The following NFATC3 variants were observed in gnomAD, a reference collection of about 807,000 sequenced individuals.
The protein encoded by NFATC3 is nuclear factor of activated T cells 3.
NFATC3 carries 46 observed loss-of-function variants against 98.6 expected under a neutral mutation model. The ratio of observed to expected loss-of-function variants is 0.47; its 90% confidence interval spans 0.37 to 0.60. NFATC3 has a LOEUF of 0.60. NFATC3 is among the 20% of genes least tolerant of loss of function. The pLI is 0.00. For missense variants in NFATC3, 1,256 were observed against 1,295.5 expected, an observed-to-expected ratio of 0.97 and a Z score of 0.47; for synonymous variants, 512 against 472.2, an observed-to-expected ratio of 1.08 and a Z score of -1.09.
Position 68,166,921 on chromosome 16 carries a change from G to A in NFATC3, c.1680G>A (p.Lys560=). 1 of 1,614,130 alleles carries A rather than the reference G, an allele frequency of 6.2e-7. No homozygotes were observed. Among genetic ancestry groups the A allele is most frequent in the East Asian group, 2.2e-5 (1 of 44,878 alleles). Reference sequence around the variant, plus strand: ...AAGGAGAAACTGATATTGGCAGAAAGAATACTAGAGTACGACTTGTGTTTC... The same window carrying A: ...AAGGAGAAACTGATATTGGCAGAAAAAATACTAGAGTACGACTTGTGTTTC... ...LRKGETDIGR[K]NTRVRLVFRV... Residue 560 remains lysine (K), a synonymous_variant, in exon 5 of 10, where the codon AAG becomes AAA. Transcript: ENST00000346183.
chr16:68,139,722 T>A (rs994501717), intron 3 of NFATC3, among the ~76,000 whole-genome samples: 2 of 152,238 alleles, frequency 1.3e-5, no homozygotes, highest in Non-Finnish European at 2.9e-5. Flanking sequence ...AGTTATCTGA[T>A]TCATTAATGT....
intron 9 of NFATC3, among the ~76,000 whole-genome samples, chr16:68,199,073 GA>G (rs1188705822): frequency 6.6e-6 from 1 of 150,720 alleles, no homozygotes; most frequent in Non-Finnish European, 1.5e-5. Context: ...AAAATTAGCT[GA>G]TCATGGTGAT....
At chr16:68,118,165 T>C (rs1346474192) in intron 1 of NFATC3, among the ~76,000 whole-genome samples, 1 of 152,172 alleles carries the variant, frequency 6.6e-6, no homozygotes, top group Non-Finnish European at 1.5e-5. Context: ...CTGACTCTCT[T>C]TCTTTGCTTG....
intron 1 of NFATC3, among the ~76,000 whole-genome samples, chr16:68,120,728 A>C (rs1364055963): frequency 1.4e-5 from 2 of 142,584 alleles, no homozygotes; most frequent in African/African-American, 5.2e-5. Flanking sequence ...GCAAGACTCC[A>C]TCTCAAACAA....
chr16:68,120,248 C>T (rs139784051), intron 1 of NFATC3, among the ~76,000 whole-genome samples: 17,213 of 149,350 alleles, frequency 0.12, 1,147 homozygotes, highest in South Asian at 0.19. Context: ...CCACTGCACT[C>T]CAGCCTGGGT....
intron 9 of NFATC3, among the ~76,000 whole-genome samples, chr16:68,215,784 G>A (rs898727435): frequency 2.1e-5 from 3 of 143,546 alleles, no homozygotes; most frequent in African/African-American, 8.0e-5. Flanking sequence ...CTGGAGTGCA[G>A]TGGTGCGATC....
At chr16:68,146,994 CAGAT>C (rs1304206830) in intron 3 of NFATC3, among the ~76,000 whole-genome samples, 1 of 152,218 alleles carries the variant, frequency 6.6e-6, no homozygotes, top group African/African-American at 2.4e-5. Context: ...AAAAGTCTCT[CAGAT>C]AGAAAGGCAT....
Position 68,089,372 on chromosome 16 carries a change from C to T in NFATC3, c.103+3588C>T, listed in dbSNP as rs575006052. On this transcript the variant is annotated intron_variant, in intron 1 of 9. Coordinates refer to ENST00000346183, the MANE Select transcript of NFATC3 (RefSeq NM_173165.3). ...ACTGACTTTTTAAGACTACTGTTTG[C>T]GAGATATTTTGAGATTTTTTTCCAT... 82 of 820,922 alleles carry T rather than the reference C, an allele frequency of 1.0e-4. No individual in the cohort carries two copies. In the African/African-American group the frequency reaches 1.3e-3, roughly 13 times the overall value. The allele number at this position is 820,922 out of a possible 1,614,324, so 50.9% of individuals were successfully genotyped here. A position where few individuals can be genotyped will look rare whatever the true frequency, so the allele number is the denominator to read the frequency against.
Position 68,118,153 on chromosome 16 carries a change from C to G in NFATC3, c.104-3834C>G, listed in dbSNP as rs114901712. On this transcript the variant is annotated intron_variant, in intron 1 of 9. Coordinates refer to ENST00000346183, the MANE Select transcript of NFATC3 (RefSeq NM_173165.3). ...AACTATCACCTTCTCTCCCCAGCCC[C>G]GCTGACTCTCTTTCTTTGCTTGCTG... 3.6e-3 allele frequency among the ~76,000 whole-genome samples: 548 copies of G among 152,290 alleles called. 6 individuals are homozygous for G. Among genetic ancestry groups the G allele is most frequent in the African/African-American group, 0.012 (507 of 41,580 alleles).
At chr16:68,162,189 A>G (rs1181151479) in intron 4 of NFATC3, among the ~76,000 whole-genome samples, 1 of 152,224 alleles carries the variant, frequency 6.6e-6, no homozygotes, top group Non-Finnish European at 1.5e-5. Flanking sequence ...CCCAAGCGTT[A>G]TGTATATTGG....
intron 5 of NFATC3, among the ~76,000 whole-genome samples, chr16:68,168,234 C>G (rs1468312567): frequency 1.3e-5 from 2 of 152,052 alleles, no homozygotes; most frequent in Non-Finnish European, 2.9e-5. Context: ...AATCTCAACT[C>G]ACTGCATCCT....
At chr16:68,222,341 A>C (rs1482450419) in intron 9 of NFATC3, among the ~76,000 whole-genome samples, 7 of 151,098 alleles carry the variant, frequency 4.6e-5, no homozygotes, top group Admixed American at 2.0e-4. Flanking sequence ...AAAAAGAAAA[A>C]AAAGAGAGAA....
At chr16:68,211,930 T>C (rs1224219040) in intron 9 of NFATC3, among the ~76,000 whole-genome samples, 1 of 152,246 alleles carries the variant, frequency 6.6e-6, no homozygotes, top group East Asian at 1.9e-4. Flanking sequence ...TCTGGAGCAC[T>C]GCAAGTTTCT....
chr16:68,143,001 G>A (rs550251355), intron 3 of NFATC3, among the ~76,000 whole-genome samples: 4 of 152,104 alleles, frequency 2.6e-5, no homozygotes, highest in Non-Finnish European at 5.9e-5. Flanking sequence ...GGGGGCTGAG[G>A]AGGGAGGATC....
intron 8 of NFATC3, among the ~76,000 whole-genome samples, chr16:68,188,434 A>G (rs1231208450): frequency 6.6e-6 from 1 of 152,154 alleles, no homozygotes; most frequent in African/African-American, 2.4e-5. Flanking sequence ...CGCCCTGCCA[A>G]TTCAGAAGGT....
chr16:68,085,986 C>T (rs1344885370), intron 1 of NFATC3: 3 of 454,312 alleles, frequency 6.6e-6, no homozygotes, highest in African/African-American at 6.2e-5. Flanking sequence ...TGGTGGCGGG[C>T]TTGGCTGGAA....
chr16:68,138,633 A>G (rs1263780626), intron 3 of NFATC3: 3 of 1,289,072 alleles, frequency 2.3e-6, no homozygotes, highest in South Asian at 1.2e-5. Context: ...GGAAATTACT[A>G]TCAATCATCA....
intron 9 of NFATC3, chr16:68,225,839 C>G (rs1360609021): frequency 6.6e-6 from 1 of 152,230 alleles, no homozygotes; most frequent in Non-Finnish European, 1.5e-5. Context: ...ATGCTTAGGA[C>G]ATCAGAGAAA....
intron 3 of NFATC3, among the ~76,000 whole-genome samples, chr16:68,151,420 TGATG>T (rs2038312600): frequency 1.3e-5 from 2 of 152,148 alleles, no homozygotes; most frequent in East Asian, 3.9e-4. Context: ...TTTTTTGAAA[TGATG>T]AACTCTTTAC....
Sources: gnomAD v4.1 joint callset for allele counts (sites outside exome capture counted in the v4.1 genomes callset) on GRCh38, gnomAD v4.1.1 for gene constraint, MANE v1.5 for transcripts, NCBI Gene and HGNC (gene_info 2026-07-23, HGNC 2026-07-21) for gene names.